Variants in RAB8B observed in about 807,000 individuals in gnomAD.
RAB8B encodes the protein RAB8B, member RAS oncogene family, also known as ras-related protein Rab-8B.
In RAB8B, 11 loss-of-function variants were observed where a neutral mutation model predicts 32.0. That is an observed-to-expected ratio of 0.34 (90% CI 0.22 to 0.57). The LOEUF is 0.57. RAB8B is among the 20% of genes least tolerant of loss of function. RAB8B has a pLI of 0.86. For synonymous variants in RAB8B, 103 were observed against 89.6 expected, an observed-to-expected ratio of 1.15 and a Z score of -0.85; for missense variants, 190 against 258.5, an observed-to-expected ratio of 0.73 and a Z score of 1.82.
At chr15:63,261,795 T>C (rs1017545) in intron 6 of RAB8B, among the ~76,000 whole-genome samples, 85,713 of 152,074 alleles carry the variant, frequency 0.56, 25,677 homozygotes, top group East Asian at 0.81. Context: ...AACAAAGAGG[T>C]TGATTTAACA....
intron 3 of RAB8B, among the ~76,000 whole-genome samples, chr15:63,255,275 T>C (rs1395546913): frequency 1.3e-5 from 2 of 152,184 alleles, no homozygotes; most frequent in Non-Finnish European, 2.9e-5. Context: ...CACTAATTCA[T>C]TAAAGGTTAA....
chr15:63,245,250 G>T (rs76662091), intron 2 of RAB8B, among the ~76,000 whole-genome samples: 1 of 152,056 alleles, frequency 6.6e-6, no homozygotes, highest in Non-Finnish European at 1.5e-5. Context: ...CCCTTCTCAG[G>T]GTCTCACCTT....
At chr15:63,192,953 C>T (rs577481971) in intron 1 of RAB8B, among the ~76,000 whole-genome samples, 8 of 152,224 alleles carry the variant, frequency 5.3e-5, no homozygotes, top group African/African-American at 1.4e-4. Context: ...ATTCACCAAA[C>T]GGTGTATGCC....
At chr15:63,251,916 G>A (rs1209044685) in intron 3 of RAB8B, among the ~76,000 whole-genome samples, 1 of 152,022 alleles carries the variant, frequency 6.6e-6, no homozygotes, top group Non-Finnish European at 1.5e-5. Context: ...GGCTGATTCA[G>A]GTATGTGGCA....
chr15:63,239,722 T>C (rs957184476), intron 1 of RAB8B, among the ~76,000 whole-genome samples: 1 of 152,202 alleles, frequency 6.6e-6, no homozygotes, highest in Admixed American at 6.5e-5. Context: ...TTCCAAAGTT[T>C]TTAAAGCCAT....
chr15:63,206,188 T>G (rs1246452346), intron 1 of RAB8B, among the ~76,000 whole-genome samples: 5 of 152,350 alleles, frequency 3.3e-5, no homozygotes, highest in Middle Eastern at 3.4e-3. Context: ...TTTCTAGATG[T>G]GAGAGCAATA....
At chr15:63,243,130 G>A (rs186368039) in intron 1 of RAB8B, among the ~76,000 whole-genome samples, 4 of 152,284 alleles carry the variant, frequency 2.6e-5, no homozygotes, top group African/African-American at 7.2e-5. Flanking sequence ...TCACAATAGG[G>A]TTTGAGCACC....
intron 1 of RAB8B, among the ~76,000 whole-genome samples, chr15:63,190,818 C>T (rs538205243): frequency 1.3e-5 from 2 of 152,296 alleles, no homozygotes; most frequent in South Asian, 2.1e-4. Flanking sequence ...AATGAACTTA[C>T]ATTCTACCTG....
At chr15:63,245,189 C>T (rs1034857877) in intron 2 of RAB8B, among the ~76,000 whole-genome samples, 15 of 152,216 alleles carry the variant, frequency 9.9e-5, no homozygotes, top group African/African-American at 3.6e-4. Context: ...AAGTACAGAT[C>T]TAGGTTCTAG....
At chr15:63,231,798 A>G (rs1319427068) in intron 1 of RAB8B, among the ~76,000 whole-genome samples, 4 of 152,198 alleles carry the variant, frequency 2.6e-5, no homozygotes, top group Non-Finnish European at 4.4e-5. Context: ...TCATTCTTTA[A>G]GAAAGGTTAG....
At position 63,259,641 on chromosome 15, in the gene RAB8B, T is replaced by C; in HGVS notation, c.429T>C (p.Tyr143=). Reference sequence around the variant, plus strand: ...TTACTTTTCAGCTAGCAATTGACTATGGGATTAAATTCTTGGAGACAAGCG... The same window carrying C: ...TTACTTTTCAGCTAGCAATTGACTACGGGATTAAATTCTTGGAGACAAGCG... ...KERGEKLAID[Y]GIKFLETSAK... The change falls in exon 6 of 8, where the codon TAT becomes TAC. Residue 143 remains tyrosine, a synonymous_variant. Transcript: ENST00000321437. This position sits in a 1 kb window ranked among gnomAD's most constrained non-coding sequence, Gnocchi z 4.4. 1 of 1,613,622 alleles carries C rather than the reference T, an allele frequency of 6.2e-7. No individual in the cohort carries two copies. Among genetic ancestry groups the C allele is most frequent in the South Asian group, 1.1e-5 (1 of 91,072 alleles).
At chr15:63,197,691 C>T (rs987927766) in intron 1 of RAB8B, among the ~76,000 whole-genome samples, 8 of 152,036 alleles carry the variant, frequency 5.3e-5, no homozygotes, top group Non-Finnish European at 1.2e-4. Context: ...TCTTTAAAGA[C>T]CCATTTCAAT....
intron 1 of RAB8B, among the ~76,000 whole-genome samples, chr15:63,243,275 G>A (rs770867342): frequency 4.6e-5 from 7 of 152,216 alleles, no homozygotes; most frequent in Non-Finnish European, 7.3e-5. Context: ...GTGCAGCCCA[G>A]TACTGGTCTG....
At chr15:63,197,356 T>C (rs1408664658) in intron 1 of RAB8B, among the ~76,000 whole-genome samples, 21 of 145,682 alleles carry the variant, frequency 1.4e-4, no homozygotes, top group Admixed American at 1.4e-3. Context: ...TTTCTTTCTT[T>C]CTTTCTTTCT....
chr15:63,204,264 T>G (rs1345608547), intron 1 of RAB8B, among the ~76,000 whole-genome samples: 2 of 152,184 alleles, frequency 1.3e-5, no homozygotes, highest in Non-Finnish European at 2.9e-5. Context: ...GAAATATTTG[T>G]CTTTAAATTC....
At chr15:63,197,959 C>G (rs2037617012) in intron 1 of RAB8B, among the ~76,000 whole-genome samples, 1 of 151,986 alleles carries the variant, frequency 6.6e-6, no homozygotes, top group Admixed American at 6.6e-5. Flanking sequence ...CATGTTATGG[C>G]TAAATTTCAA....
chr15:63,235,610 T>C (rs1330924892), intron 1 of RAB8B, among the ~76,000 whole-genome samples: 2 of 151,246 alleles, frequency 1.3e-5, no homozygotes, highest in African/African-American at 4.8e-5. Context: ...CCTTAATTTG[T>C]TAATAATCAT....
chr15:63,208,715 CT>C (rs999403903), intron 1 of RAB8B, among the ~76,000 whole-genome samples: 3 of 152,120 alleles, frequency 2.0e-5, no homozygotes, highest in Non-Finnish European at 4.4e-5. Context: ...ATGTCACTTT[CT>C]TTATGAGGCC....
rs577940590 is a variant in RAB8B, at chr15:63,252,065, C to T, written c.246+2360C>T. Among the ~76,000 whole-genome samples the T allele has an allele frequency of 4.6e-5, 7 of 151,918 alleles. No homozygotes were observed. The East Asian group carries it at 1.2e-3, about 25-fold the overall frequency. ...CCATATCATTACATTATTAATGTTT[C>T]TCATAGACCAACACCATCTTCTGAA... On this transcript the variant is annotated intron_variant, in intron 3 of 7. Transcript: ENST00000321437.
Sources: allele counts gnomAD v4.1 joint callset (sites outside exome capture counted in the v4.1 genomes callset), GRCh38; gene constraint gnomAD v4.1.1; non-coding constraint Gnocchi (gnomAD v3.1); transcripts MANE v1.5; gene names NCBI Gene and HGNC (gene_info 2026-07-23, HGNC 2026-07-21).